Variants in SCARB1 observed in about 807,000 individuals in gnomAD.
SCARB1 encodes the protein scavenger receptor class B member 1.
A neutral mutation model predicts 57.2 loss-of-function variants in SCARB1; 30 were observed. That is an observed-to-expected ratio of 0.52 (90% CI 0.39 to 0.71). The LOEUF (loss-of-function observed/expected upper bound fraction) is 0.71, where lower values mean the gene tolerates loss of function less well. Among genes scored for constraint, SCARB1 ranks in the 30% least tolerant of loss-of-function variants. The pLI is 0.00. For synonymous variants in SCARB1, 249 were observed against 268.3 expected (o/e 0.93, Z 0.70); for missense variants, 543 against 671.2 (o/e 0.81, Z 2.11).
In SCARB1 at chr12:124,796,057, G is replaced by T. The variant is rs368863098; in HGVS notation, c.1129-789C>A. On this transcript the variant is annotated intron_variant, in intron 8 of 12. Coordinates refer to ENST00000261693, the MANE Select transcript of SCARB1 (RefSeq NM_005505.5). The surrounding 1 kb of genome is among the most constrained non-coding windows in gnomAD (Gnocchi z 4.0). ...CAACCTCTGCCTCCTGAGTTCAAGCGATTGTCCTGCCTCAGCCTCCCCAGT... is the reference window on the plus strand; with the variant it reads ...CAACCTCTGCCTCCTGAGTTCAAGCTATTGTCCTGCCTCAGCCTCCCCAGT... Among the ~76,000 whole-genome samples, 1 of 152,182 alleles carries T rather than the reference G, an allele frequency of 6.6e-6. No homozygotes were observed. The highest frequency in any genetic ancestry group is 2.1e-4 in the South Asian group (1 of 4,832).
intron 1 of SCARB1, among the ~76,000 whole-genome samples, chr12:124,842,318 A>C (rs1389249955): frequency 6.6e-6 from 1 of 152,206 alleles, no homozygotes; most frequent in Non-Finnish European, 1.5e-5. Context: ...GTTCATCAAT[A>C]ACACAAGCCG....
At chr12:124,846,611 T>C (rs146916167) in intron 1 of SCARB1, among the ~76,000 whole-genome samples, 18 of 151,202 alleles carry the variant, frequency 1.2e-4, no homozygotes, top group African/African-American at 4.1e-4. Context: ...TAGCTGGGCA[T>C]GGTGGTGCAC....
chr12:124,787,280 G>T, intron 10 of SCARB1, 126 bp downstream of exon 10: 1 of 815,474 alleles, frequency 1.2e-6, no homozygotes, highest in Non-Finnish European at 2.0e-6. Flanking sequence ...GCTGGTCCAT[G>T]TCACAGTCCG....
chr12:124,807,679 C>T lies in SCARB1; in HGVS notation c.1009+82G>A. The T allele has an allele frequency of 7.5e-7, 1 of 1,336,760 alleles. No homozygotes were observed. 82.8% of individuals were successfully genotyped at this position (1,336,760 alleles called of 1,614,324 possible). A position where few individuals can be genotyped will look rare whatever the true frequency, so the allele number is the denominator to read the frequency against. On this transcript the variant is annotated intron_variant, in intron 7 of 12. Transcript: ENST00000261693. This position sits in a 1 kb window ranked among gnomAD's most constrained non-coding sequence, Gnocchi z 5.3. ...AAGAGTACAGAGGCCAGAGATTAAG[C>T]AGACAGCACTGGGCAGATAAACCCT...
chr12:124,829,027 A>G (rs1240556876), intron 1 of SCARB1, among the ~76,000 whole-genome samples: 1 of 152,226 alleles, frequency 6.6e-6, no homozygotes, highest in Non-Finnish European at 1.5e-5. Flanking sequence ...ACACAGGCTA[A>G]TCCAATCTGG....
chr12:124,815,628 G>A (rs998725116), intron 2 of SCARB1, among the ~76,000 whole-genome samples: 1 of 152,210 alleles, frequency 6.6e-6, no homozygotes, highest in African/African-American at 2.4e-5. Flanking sequence ...CACTTTGGGA[G>A]GCTGAGGTGG....
Position 124,811,853 on chromosome 12 carries a change from C to T in SCARB1, c.726+17G>A, listed in dbSNP as rs201556935. ...CCCTCTCCCTGGCGACAGGGGCCCT[C>T]GCCTCTCGCCCCTCACCTTGCTCAG... On this transcript the variant is annotated intron_variant, in intron 5 of 12. Coordinates refer to ENST00000261693, the MANE Select transcript of SCARB1 (RefSeq NM_005505.5). 54 of 1,591,832 alleles carry T rather than the reference C, an allele frequency of 3.4e-5. No homozygotes were observed. Among genetic ancestry groups the T allele is most frequent in the Non-Finnish European group, 4.2e-5 (49 of 1,164,800 alleles).
intron 1 of SCARB1, among the ~76,000 whole-genome samples, chr12:124,835,468 G>A (rs147647275): frequency 4.6e-5 from 7 of 151,938 alleles, no homozygotes; most frequent in Non-Finnish European, 8.8e-5. Flanking sequence ...TAGGGGTCTC[G>A]CTATGTTGCC....
chr12:124,840,100 T>TATG, intron 1 of SCARB1: 1 of 1,257,752 alleles, frequency 8.0e-7, no homozygotes, highest in South Asian at 1.3e-5. Flanking sequence ...TCCTAATGGG[T>TATG]ATGAGTGTGT....
rs1429954749 is a variant in SCARB1, at chr12:124,817,566, C to T, written c.268G>A (p.Gly90Arg). ...KGEKPQVRERGPYVYREFRHK... is the reference protein window; with the variant it reads ...KGEKPQVRERRPYVYREFRHK... ...CAGCCTCACCTGTACACGTAGGGCC[C>T]GCGCTCCCGCACCTGCGGCTTCTCG... The change falls in exon 2 of 13, where the codon GGG (glycine) becomes AGG (arginine). Residue 90 changes from glycine to arginine, a missense_variant. Transcript: ENST00000261693. The surrounding 1 kb of genome is among the most constrained non-coding windows in gnomAD (Gnocchi z 4.8). 3 of 1,613,960 alleles carry T rather than the reference C, an allele frequency of 1.9e-6. No individual in the cohort carries two copies. The highest frequency in any genetic ancestry group is 1.3e-5 in the African/African-American group (1 of 74,924).
At position 124,798,425 on chromosome 12, in the gene SCARB1, T is replaced by A. The variant is rs530368211; in HGVS notation, c.1128+1699A>T. Among the ~76,000 whole-genome samples, 1,271 of 150,794 alleles carry A rather than the reference T, an allele frequency of 8.4e-3. 11 individuals carry two copies. Among genetic ancestry groups the A allele is most frequent in the Non-Finnish European group, 0.014 (964 of 67,638 alleles). On this transcript the variant is annotated intron_variant, in intron 8 of 12. Coordinates refer to ENST00000261693, the MANE Select transcript of SCARB1 (RefSeq NM_005505.5). ...GACTCTGTCTCAAAAAATAAATAAA[T>A]AAAAACAGGGAAATCCTGTTATTTG...
At chr12:124,840,405 T>G (rs1278192900) in intron 1 of SCARB1, among the ~76,000 whole-genome samples, 1 of 152,188 alleles carries the variant, frequency 6.6e-6, no homozygotes, top group African/African-American at 2.4e-5. Flanking sequence ...CTCGAACTCC[T>G]GACCTTGTGA....
At chr12:124,857,162 G>A (rs1302240407) in intron 1 of SCARB1, among the ~76,000 whole-genome samples, 1 of 152,112 alleles carries the variant, frequency 6.6e-6, no homozygotes, top group Non-Finnish European at 1.5e-5. Flanking sequence ...TGTGGAGTCG[G>A]CCCCCAGACT....
Position 124,812,201 on chromosome 12 carries a change from G to A in SCARB1, c.631-236C>T, listed in dbSNP as rs1950556466. Among the ~76,000 whole-genome samples, 3 of 152,160 alleles carry A rather than the reference G, an allele frequency of 2.0e-5. 1 individual carries two copies. In the South Asian group the frequency reaches 6.2e-4, roughly 32 times the overall value. Reference sequence around the variant, plus strand: ...GTTCCACCCTCCCTTCCTAACTCCAGGAGAGTCTGGCTTTCCTCCCAGGTA... The same window carrying A: ...GTTCCACCCTCCCTTCCTAACTCCAAGAGAGTCTGGCTTTCCTCCCAGGTA... On this transcript the variant is annotated intron_variant, in intron 4 of 12. Coordinates refer to ENST00000261693, the MANE Select transcript of SCARB1 (RefSeq NM_005505.5). This position sits in a 1 kb window ranked among gnomAD's most constrained non-coding sequence, Gnocchi z 4.3.
chr12:124,846,467 C>T (rs1414807710), intron 1 of SCARB1, among the ~76,000 whole-genome samples: 1 of 151,950 alleles, frequency 6.6e-6, no homozygotes, highest in Non-Finnish European at 1.5e-5. Context: ...AACAGATGAA[C>T]TGGCCGGGCG....
intron 1 of SCARB1, among the ~76,000 whole-genome samples, chr12:124,847,083 G>A (rs1952192296): frequency 1.3e-5 from 2 of 152,226 alleles, no homozygotes; most frequent in African/African-American, 4.8e-5. Flanking sequence ...TCTTCTTCAC[G>A]TGGGGTGATT....
chr12:124,823,130 G>A (rs1267456041), intron 1 of SCARB1, among the ~76,000 whole-genome samples: 3 of 152,194 alleles, frequency 2.0e-5, no homozygotes, highest in East Asian at 3.8e-4. Flanking sequence ...CACCTGGGAG[G>A]TTGGGGGATA....
At position 124,858,523 on chromosome 12, in the gene SCARB1, C is replaced by T. The variant is rs377348401; in HGVS notation, c.126+5072G>A. Among the ~76,000 whole-genome samples the T allele has an allele frequency of 2.6e-5, 4 of 152,266 alleles. No individual in the cohort carries two copies. In the South Asian group the frequency reaches 6.2e-4, roughly 24 times the overall value. On this transcript the variant is annotated intron_variant, in intron 1 of 12. Coordinates refer to ENST00000261693, the MANE Select transcript of SCARB1 (RefSeq NM_005505.5). ...GTGTGCCTCATCGGTCTGTGTGGCG[C>T]ATTCATCTGGCCAGTCTTTGAGGAA...
intron 1 of SCARB1, among the ~76,000 whole-genome samples, chr12:124,831,618 G>C (rs554920334): frequency 2.1e-4 from 32 of 152,008 alleles, no homozygotes; most frequent in African/African-American, 7.7e-4. Flanking sequence ...GAGAGGTCTG[G>C]GGTCCCCTCT....
Sources: allele counts gnomAD v4.1 joint callset (sites outside exome capture counted in the v4.1 genomes callset), GRCh38; gene constraint gnomAD v4.1.1; non-coding constraint Gnocchi (gnomAD v3.1); transcripts MANE v1.5; gene names NCBI Gene and HGNC (gene_info 2026-07-23, HGNC 2026-07-21).